Variants in USP28 observed in about 807,000 individuals in gnomAD.
USP28 encodes the protein ubiquitin carboxyl-terminal hydrolase 28.
A neutral mutation model predicts 145.0 loss-of-function variants in USP28; 113 were observed. The ratio of observed to expected loss-of-function variants is 0.78; its 90% CI spans 0.67 to 0.91. The LOEUF is 0.91. Among genes scored for constraint, USP28 ranks in the 40% least tolerant of loss-of-function variants. USP28 has a pLI of 0.00. For missense variants in USP28, 1,201 were observed against 1,289.6 expected (o/e 0.93, Z 1.05); for synonymous variants, 447 against 450.9 (o/e 0.99, Z 0.11).
exon 7 of USP28, chr11:113,833,470 C>T: frequency 6.2e-7 from 1 of 1,614,212 alleles, no homozygotes; most frequent in Non-Finnish European, 8.5e-7. Context: ...TCCAGGGCTG[C>T]AGACGGGTCT....
chr11:113,857,405 G>A (rs930204008), intron 1 of USP28, among the ~76,000 whole-genome samples: 14 of 152,074 alleles, frequency 9.2e-5, no homozygotes, highest in African/African-American at 2.4e-4. Flanking sequence ...TTTATACCCC[G>A]CCATTCTGCT....
At chr11:113,860,948 C>T (rs1947616071) in intron 1 of USP28, among the ~76,000 whole-genome samples, 1 of 150,796 alleles carries the variant, frequency 6.6e-6, no homozygotes, top group Admixed American at 6.6e-5. Flanking sequence ...GAAACTCCGT[C>T]TCTACTAAAA....
intron 5 of USP28, among the ~76,000 whole-genome samples, chr11:113,837,359 C>T (rs377079060): frequency 1.3e-5 from 2 of 152,146 alleles, no homozygotes; most frequent in South Asian, 2.1e-4. Flanking sequence ...GGAGATCTCT[C>T]GGCTTCTTGG....
chr11:113,804,963 G>C, exon 20 of USP28: 1 of 1,614,122 alleles, frequency 6.2e-7, no homozygotes, highest in Non-Finnish European at 8.5e-7. Context: ...AGTAGACAAG[G>C]ACATGCTGAA....
Position 113,874,844 on chromosome 11 carries a change from C to G in USP28, c.57+601G>C, listed in dbSNP as rs1303565737. On this transcript the variant is annotated intron_variant, in intron 1 of 24. Coordinates refer to ENST00000003302, the Ensembl canonical transcript of USP28. ...CAGGAGATCATCATCAGTAGACTTT[C>G]TATTCATCACGCAGCTCCTCCCCCT... 4 of 1,014,922 alleles carry G rather than the reference C, an allele frequency of 3.9e-6. No individual in the cohort carries two copies. The African/African-American group carries it at 6.9e-5, about 17-fold the overall frequency. The allele number at this position is 1,014,922 out of a possible 1,614,324, so 62.9% of individuals were successfully genotyped here. A position where few individuals can be genotyped will look rare whatever the true frequency, so the allele number is the denominator to read the frequency against.
At chr11:113,852,977 A>C (rs1946643678) in intron 2 of USP28, among the ~76,000 whole-genome samples, 1 of 152,144 alleles carries the variant, frequency 6.6e-6, no homozygotes, top group African/African-American at 2.4e-5. Context: ...ATTAACATAG[A>C]CATTCTAAAT....
chr11:113,871,461 T>C (rs189223401), intron 1 of USP28, among the ~76,000 whole-genome samples: 6 of 152,328 alleles, frequency 3.9e-5, no homozygotes, highest in Admixed American at 1.3e-4. Flanking sequence ...GGCTTACTCC[T>C]GTACACTGCA....
At chr11:113,874,850 A>G (rs1056028054) in intron 1 of USP28, 4 of 1,011,612 alleles carry the variant, frequency 4.0e-6, no homozygotes, top group Non-Finnish European at 4.7e-6. Flanking sequence ...CTTTCTATTC[A>G]TCACGCAGCT....
At chr11:113,873,603 TTC>T (rs1383713387) in intron 1 of USP28, among the ~76,000 whole-genome samples, 1 of 152,208 alleles carries the variant, frequency 6.6e-6, no homozygotes, top group Non-Finnish European at 1.5e-5. Flanking sequence ...TAAATATGAC[TTC>T]TCTCTCCCTT....
At chr11:113,830,762 T>A in intron 9 of USP28, 105 bp downstream of exon 9, 1 of 1,017,192 alleles carries the variant, frequency 9.8e-7, no homozygotes, top group Non-Finnish European at 1.5e-6. Context: ...CAGAGCTGAG[T>A]ACTGCTGACT....
intron 2 of USP28, 50 bp downstream of exon 2, chr11:113,854,208 A>G: frequency 1.3e-6 from 2 of 1,516,126 alleles, no homozygotes; most frequent in East Asian, 4.5e-5. Flanking sequence ...TAACTATAAT[A>G]TAGACAGCTG....
At chr11:113,866,215 C>T (rs1344971692) in intron 1 of USP28, among the ~76,000 whole-genome samples, 1 of 152,112 alleles carries the variant, frequency 6.6e-6, no homozygotes, top group African/African-American at 2.4e-5. Flanking sequence ...TCACTTGAAC[C>T]CAGGAGGCAG....
At chr11:113,821,165 T>C in intron 12 of USP28, 1 of 227,032 alleles carries the variant, frequency 4.4e-6, no homozygotes, top group Non-Finnish European at 9.8e-6. Context: ...ATCTTCAATA[T>C]ATGCCATGAG....
At chr11:113,819,604 C>G (rs1293213436) in intron 12 of USP28, among the ~76,000 whole-genome samples, 2 of 152,048 alleles carry the variant, frequency 1.3e-5, no homozygotes, top group Non-Finnish European at 2.9e-5. Flanking sequence ...TATGTGTAAC[C>G]TTAAAAAATA....
chr11:113,803,318 C>T, intron 22 of USP28, 37 bp from the exon 24 acceptor site: 1 of 1,571,486 alleles, frequency 6.4e-7, no homozygotes, highest in Non-Finnish European at 8.6e-7. Flanking sequence ...GCTGAGTGCT[C>T]TTTTACTAAA....
chr11:113,805,308 T>C (rs1939764459), intron 19 of USP28, among the ~76,000 whole-genome samples: 1 of 150,010 alleles, frequency 6.7e-6, no homozygotes, highest in Non-Finnish European at 1.5e-5. Context: ...CAGGCTGGAG[T>C]TCAGTGACAT....
At chr11:113,826,884 A>C (rs760522959) in intron 11 of USP28, among the ~76,000 whole-genome samples, 3 of 149,690 alleles carry the variant, frequency 2.0e-5, no homozygotes, top group Non-Finnish European at 4.4e-5. Context: ...GCGCCATTGC[A>C]CTCCAGCCTG....
At chr11:113,826,640 C>A (rs1330499874) in intron 11 of USP28, among the ~76,000 whole-genome samples, 1 of 151,820 alleles carries the variant, frequency 6.6e-6, no homozygotes, top group Non-Finnish European at 1.5e-5. Flanking sequence ...AAATTCTAGG[C>A]CGGGCGCGGT....
intron 11 of USP28, among the ~76,000 whole-genome samples, chr11:113,825,803 A>G (rs1943216746): frequency 6.6e-6 from 1 of 152,226 alleles, no homozygotes; most frequent in Non-Finnish European, 1.5e-5. Context: ...TATAGGGTCC[A>G]AAAACATTAA....
Sources: allele counts gnomAD v4.1 joint callset (sites outside exome capture counted in the v4.1 genomes callset), GRCh38; gene constraint gnomAD v4.1.1; transcripts MANE v1.5; gene names NCBI Gene and HGNC (gene_info 2026-07-23, HGNC 2026-07-21).